Variants in LPP observed in about 807,000 individuals in gnomAD.
LPP encodes lipoma-preferred partner.
Under a neutral mutation model 60.4 loss-of-function variants are expected in LPP, and 38 were observed. That is an observed-to-expected ratio of 0.63 (90% CI 0.49 to 0.83). The LOEUF (loss-of-function observed/expected upper bound fraction) is 0.83. Ranked by LOEUF, LPP falls within the 40% of genes least tolerant of loss-of-function variation. LPP has a pLI of 0.00. For synonymous variants in LPP, 328 were observed against 290.8 expected, an observed-to-expected ratio of 1.13 and a Z score of -1.30; for missense variants, 902 against 783.6, an observed-to-expected ratio of 1.15 and a Z score of -1.80.
Position 188,875,435 on chromosome 3 carries a change from A to G in LPP, c.*956A>G, listed in dbSNP as rs1400528664. On this transcript the variant is annotated 3_prime_UTR_variant, in exon 12 of 12. Transcript: ENST00000617246. ...CTATCAAAATTGCCTTTTTCTCTAG[A>G]GGATGAAGGCTGTGAAAAAACCGTT... The G allele has an allele frequency of 1.4e-5, 3 of 216,700 alleles. No individual in the cohort carries two copies. Among genetic ancestry groups the G allele is most frequent in the African/African-American group, 6.8e-5 (3 of 44,432 alleles). 13.4% of individuals were successfully genotyped at this position (216,700 alleles called of 1,614,324 possible).
intron 7 of LPP, among the ~76,000 whole-genome samples, chr3:188,664,486 AACACTTTG>A (rs1184729341): frequency 6.6e-6 from 1 of 152,230 alleles, no homozygotes; most frequent in Non-Finnish European, 1.5e-5. Flanking sequence ...TGTGTATTCT[AACACTTTG>A]ATTTACTCAA....
intron 3 of LPP, among the ~76,000 whole-genome samples, chr3:188,373,631 C>T (rs1194931290): frequency 2.0e-5 from 3 of 152,000 alleles, no homozygotes; most frequent in Non-Finnish European, 2.9e-5. Context: ...GAGTAGGTTG[C>T]AAAAATTTTC....
intron 9 of LPP, among the ~76,000 whole-genome samples, chr3:188,791,419 T>G (rs1743702880): frequency 6.7e-6 from 1 of 148,372 alleles, no homozygotes; most frequent in African/African-American, 2.5e-5. Flanking sequence ...AAAGCTAAAC[T>G]TCTTCACATG....
chr3:188,476,567 A>C lies in LPP; in HGVS notation c.194-8025A>C, dbSNP rs182528059. Among the ~76,000 whole-genome samples the C allele has an allele frequency of 7.9e-5, 12 of 152,346 alleles. No homozygotes were observed. The East Asian group carries it at 2.3e-3, about 29-fold the overall frequency. On this transcript the variant is annotated intron_variant, in intron 4 of 11. Coordinates refer to ENST00000617246, the MANE Select transcript of LPP (RefSeq NM_001375462.1). ...TTCTTGAGAAAAGTTTAGTAGCAGTAGCATATGAGAATGCTGGTTTCCCTA... is the reference window on the plus strand; with the variant it reads ...TTCTTGAGAAAAGTTTAGTAGCAGTCGCATATGAGAATGCTGGTTTCCCTA...
chr3:188,165,153 A>G (rs1042738050), intron 1 of LPP, among the ~76,000 whole-genome samples: 3 of 152,040 alleles, frequency 2.0e-5, no homozygotes, highest in Non-Finnish European at 2.9e-5. Context: ...GTGCATGCCT[A>G]TAGTCCTAGC....
At chr3:188,841,346 A>T (rs910532981) in intron 9 of LPP, among the ~76,000 whole-genome samples, 7 of 144,296 alleles carry the variant, frequency 4.9e-5, no homozygotes, top group Admixed American at 7.1e-5. Context: ...ACTAAATTCT[A>T]CTCCTGCCTC....
chr3:188,354,426 T>C (rs1766892142), intron 3 of LPP, among the ~76,000 whole-genome samples: 1 of 152,198 alleles, frequency 6.6e-6, no homozygotes, highest in African/African-American at 2.4e-5. Flanking sequence ...ATTTCTGTAC[T>C]TTGTGTGCGT....
At chr3:188,613,261 C>CCTATATCTATATCTATAT (rs61366207) in intron 7 of LPP, among the ~76,000 whole-genome samples, 8,345 of 117,262 alleles carry the variant, frequency 0.071, 383 homozygotes, top group East Asian at 0.11. Flanking sequence ...TATATCTATA[C>CCTATATCTATATCTATAT]CTATATCTAT....
At chr3:188,753,651 T>G (rs934108509) in intron 8 of LPP, among the ~76,000 whole-genome samples, 21 of 151,790 alleles carry the variant, frequency 1.4e-4, no homozygotes, top group Non-Finnish European at 8.8e-5. Flanking sequence ...TACCTTAATT[T>G]CTCTTTTTGG....
chr3:188,250,756 TTCTTTCTTTCTTTC>T (rs1728946660), intron 2 of LPP, among the ~76,000 whole-genome samples: 1 of 121,526 alleles, frequency 8.2e-6, no homozygotes, highest in Admixed American at 8.0e-5. Flanking sequence ...CTTTCTTTCT[TTCTTTCTTTCTTTC>T]TTTCTTTCTT....
chr3:188,540,946 A>G (rs924662177), intron 6 of LPP, among the ~76,000 whole-genome samples: 6 of 152,156 alleles, frequency 3.9e-5, no homozygotes, highest in African/African-American at 1.4e-4. Context: ...TAATGCATGG[A>G]GCCAAAAGCT....
chr3:188,832,482 C>T (rs1022804507), intron 9 of LPP, among the ~76,000 whole-genome samples: 3 of 152,190 alleles, frequency 2.0e-5, no homozygotes, highest in Admixed American at 6.5e-5. Flanking sequence ...GCCTGTAAGA[C>T]TCCGAGTGGA....
At chr3:188,455,464 C>G (rs913442688) in intron 4 of LPP, among the ~76,000 whole-genome samples, 1 of 152,188 alleles carries the variant, frequency 6.6e-6, no homozygotes, top group Non-Finnish European at 1.5e-5. Context: ...GAATAAAACA[C>G]ACTCAGAAGA....
At chr3:188,471,506 G>T (rs1049810062) in intron 4 of LPP, among the ~76,000 whole-genome samples, 6 of 152,188 alleles carry the variant, frequency 3.9e-5, no homozygotes, top group South Asian at 4.1e-4. Context: ...TGTATTCAGA[G>T]TGGGTGGTTA....
Position 188,699,632 on chromosome 3 carries a change from A to C in LPP, c.1114-8635A>C, listed in dbSNP as rs376544369. Among the ~76,000 whole-genome samples, 14 of 152,320 alleles carry C rather than the reference A, an allele frequency of 9.2e-5. 1 individual carries two copies. Among genetic ancestry groups the C allele is most frequent in the East Asian group, 3.9e-4 (2 of 5,174 alleles). The stretch of plus-strand genomic sequence containing the variant: ...GTCCTTAAAATTCATTCTTCAATAA[A>C]ATGGAACATAAGAATAGAAGAACCA... On this transcript the variant is annotated intron_variant, in intron 7 of 11. Transcript: ENST00000617246.
chr3:188,244,972 G>A (rs73059649), intron 2 of LPP, among the ~76,000 whole-genome samples: 2,701 of 152,262 alleles, frequency 0.018, 74 homozygotes, highest in African/African-American at 0.059. Context: ...GGCATGGACC[G>A]TGTCTAATGG....
chr3:188,503,991 G>T (rs1488985187), intron 5 of LPP, among the ~76,000 whole-genome samples: 1 of 152,058 alleles, frequency 6.6e-6, no homozygotes, highest in African/African-American at 2.4e-5. Context: ...ATCAAATTTG[G>T]GGGAGTTTTT....
At chr3:188,775,055 G>GTTTTCTTTTTTTTTTTTTTTTT (rs1737292256) in intron 9 of LPP, among the ~76,000 whole-genome samples, 1 of 136,686 alleles carries the variant, frequency 7.3e-6, no homozygotes, top group African/African-American at 2.7e-5. Flanking sequence ...CATGCTTAGT[G>GTTTTCTTTTTTTTTTTTTTTTT]TTTTTTTTTT....
chr3:188,241,937 T>G (rs2149475246), intron 2 of LPP, among the ~76,000 whole-genome samples: 1 of 152,340 alleles, frequency 6.6e-6, no homozygotes, highest in East Asian at 1.9e-4. Context: ...TCCAGTGACC[T>G]CTGCTCATTG....
Sources: gnomAD v4.1 joint callset for allele counts (sites outside exome capture counted in the v4.1 genomes callset) on GRCh38, gnomAD v4.1.1 for gene constraint, MANE v1.5 for transcripts, NCBI Gene and HGNC (gene_info 2026-07-23, HGNC 2026-07-21) for gene names.